ANKRD11: variants seen among roughly 807,000 people sequenced by gnomAD.
The protein encoded by ANKRD11 is ankyrin repeat domain 11.
A neutral mutation model predicts 195.7 loss-of-function variants in ANKRD11; 17 were observed. The ratio of observed to expected loss-of-function variants is 0.09; its 90% CI spans 0.06 to 0.13. The LOEUF is 0.13. Ranked by LOEUF, ANKRD11 falls within the 10% of genes least tolerant of loss-of-function variation. ANKRD11 has a pLI of 1.00. For missense variants in ANKRD11, 3,735 were observed against 3,566.1 expected (o/e 1.05, Z -1.21); for synonymous variants, 1,953 against 1,528.1 (o/e 1.28, Z -6.49).
chr16:89,277,543 G>A (rs1207324966), intron 9 of ANKRD11: 1 of 152,302 alleles, frequency 6.6e-6, no homozygotes, highest in Admixed American at 6.5e-5. Flanking sequence ...AAGCACAGAA[G>A]GTCAGAAGAT....
chr16:89,447,066 A>G (rs533222965), intron 1 of ANKRD11, among the ~76,000 whole-genome samples: 1 of 152,128 alleles, frequency 6.6e-6, no homozygotes, highest in Admixed American at 6.5e-5. Flanking sequence ...CCCTACGAAG[A>G]CACTGCATGA....
chr16:89,395,098 T>C (rs2041367310), intron 2 of ANKRD11, among the ~76,000 whole-genome samples: 1 of 152,220 alleles, frequency 6.6e-6, no homozygotes, highest in Non-Finnish European at 1.5e-5. Context: ...GTGACCAGGC[T>C]GAAGCACAGG....
chr16:89,268,728 C>G, intron 12 of ANKRD11, 65 bp from the exon 13 acceptor site: 1 of 1,531,474 alleles, frequency 6.5e-7, no homozygotes, highest in Non-Finnish European at 8.8e-7. Context: ...ACTCTGCCGA[C>G]CTCAGCTGCC....
At chr16:89,425,952 G>A (rs976405442) in intron 1 of ANKRD11, among the ~76,000 whole-genome samples, 1 of 152,196 alleles carries the variant, frequency 6.6e-6, no homozygotes, top group African/African-American at 2.4e-5. Context: ...AGAAAAAGGT[G>A]CAAAGTGGAT....
intron 2 of ANKRD11, among the ~76,000 whole-genome samples, chr16:89,344,613 A>G (rs1955424620): frequency 6.6e-6 from 1 of 152,208 alleles, no homozygotes. Flanking sequence ...GTCCGGGAGG[A>G]CACTCCAGGC....
intron 2 of ANKRD11, among the ~76,000 whole-genome samples, chr16:89,388,798 AGG>A (rs2041045322): frequency 6.6e-6 from 1 of 152,206 alleles, no homozygotes; most frequent in South Asian, 2.1e-4. Flanking sequence ...CCTGGGAAGA[AGG>A]TTCTGGAAGG....
intron 3 of ANKRD11, among the ~76,000 whole-genome samples, chr16:89,311,331 G>GC (rs2036596211): frequency 6.6e-6 from 1 of 152,112 alleles, no homozygotes; most frequent in Non-Finnish European, 1.5e-5. Context: ...GTTCATGAGG[G>GC]CCATTGGTCT....
chr16:89,373,954 G>C (rs2040306578), intron 2 of ANKRD11, among the ~76,000 whole-genome samples: 1 of 152,222 alleles, frequency 6.6e-6, no homozygotes, highest in Admixed American at 6.5e-5. Context: ...AAGCGGGCTG[G>C]GGCCCTGGCC....
chr16:89,444,685 C>T (rs1345909900), intron 1 of ANKRD11, among the ~76,000 whole-genome samples: 1 of 152,178 alleles, frequency 6.6e-6, no homozygotes, highest in Admixed American at 6.5e-5. Flanking sequence ...GTGGCTCACG[C>T]TTGTAATCCC....
In ANKRD11 at chr16:89,283,929, G is replaced by C. The variant is rs1597459981; in HGVS notation, c.2613C>G (p.Asp871Glu). 1.2e-6 allele frequency: 2 copies of C among 1,614,144 alleles called. No homozygotes were observed. The highest frequency in any genetic ancestry group is 1.7e-6 in the Non-Finnish European group (2 of 1,180,044). Residue 871 changes from aspartate (D) to glutamate (E), a missense_variant, in exon 9 of 13, where the codon GAC becomes GAG. Coordinates refer to ENST00000301030, the MANE Select transcript of ANKRD11 (RefSeq NM_013275.6). The surrounding 1 kb of genome is among the most constrained non-coding windows in gnomAD (Gnocchi z 4.3). ...PVTDYRDMKS[D>E]SVAKLILETV... ...TCTCCAAGATGAGCTTGGCCACAGA[G>C]TCGCTCTTCATGTCCCTGTAGTCTG...
intron 4 of ANKRD11, among the ~76,000 whole-genome samples, chr16:89,296,278 A>C (rs908273082): frequency 6.6e-6 from 1 of 151,848 alleles, no homozygotes; most frequent in African/African-American, 2.4e-5. Flanking sequence ...TGTTTTTATG[A>C]ACCTTGAAAA....
chr16:89,469,793 G>A (rs1254725824), intron 1 of ANKRD11, among the ~76,000 whole-genome samples: 1 of 111,330 alleles, frequency 9.0e-6, no homozygotes, highest in Non-Finnish European at 1.8e-5. Context: ...CAGCTACTCG[G>A]GAGGCTGAGG....
chr16:89,397,600 G>A (rs1490720994), intron 2 of ANKRD11, among the ~76,000 whole-genome samples: 1 of 152,206 alleles, frequency 6.6e-6, no homozygotes, highest in African/African-American at 2.4e-5. Context: ...ATGGCAAGGG[G>A]CCCACCTGCC....
intron 1 of ANKRD11, among the ~76,000 whole-genome samples, chr16:89,423,449 G>A (rs569311503): frequency 6.6e-6 from 1 of 152,362 alleles, no homozygotes; most frequent in South Asian, 2.1e-4. Context: ...ATGAGTACAG[G>A]AGCATACGGA....
In ANKRD11 at chr16:89,457,261, G is replaced by A. The variant is rs887787752; in HGVS notation, c.-145+32984C>T. On this transcript the variant is annotated intron_variant, in intron 1 of 12. Transcript: ENST00000301030. ...GGCGTGAGCCACCGCGCCCGGCCGA[G>A]TCTTACCTCAATAAAATTAAAGTAG... Among the ~76,000 whole-genome samples the A allele has an allele frequency of 6.7e-5, 10 of 149,602 alleles. No individual in the cohort carries two copies. In the South Asian group the frequency reaches 2.2e-3, roughly 33 times the overall value.
chr16:89,413,342 T>C (rs891267727), intron 2 of ANKRD11, among the ~76,000 whole-genome samples: 1 of 152,134 alleles, frequency 6.6e-6, no homozygotes, highest in Non-Finnish European at 1.5e-5. Flanking sequence ...AAAATGGAAG[T>C]GGACTGGGCG....
chr16:89,483,657 C>G (rs2057514456), intron 1 of ANKRD11, among the ~76,000 whole-genome samples: 1 of 151,908 alleles, frequency 6.6e-6, no homozygotes, highest in Non-Finnish European at 1.5e-5. Context: ...GGAGAAACCC[C>G]GTCTCTACGA....
chr16:89,344,431 G>C (rs2038842569), intron 2 of ANKRD11, among the ~76,000 whole-genome samples: 1 of 152,164 alleles, frequency 6.6e-6, no homozygotes, highest in South Asian at 2.1e-4. Context: ...GCCAACACGG[G>C]CCACTGCTGT....
At chr16:89,293,909 C>G (rs1035061578) in intron 4 of ANKRD11, among the ~76,000 whole-genome samples, 4 of 152,282 alleles carry the variant, frequency 2.6e-5, no homozygotes, top group Non-Finnish European at 1.5e-5. Flanking sequence ...AGTCTTTAGG[C>G]TGGCAGGCCA....
Sources: allele counts gnomAD v4.1 joint callset (sites outside exome capture counted in the v4.1 genomes callset), GRCh38; gene constraint gnomAD v4.1.1; non-coding constraint Gnocchi (gnomAD v3.1); transcripts MANE v1.5; gene names NCBI Gene and HGNC (gene_info 2026-07-23, HGNC 2026-07-21).